Variants in SLC35F5 observed in about 807,000 individuals in gnomAD.
The protein encoded by SLC35F5 is HCV NS5A-transactivated protein 3.
SLC35F5 carries 54 observed loss-of-function variants against 68.6 expected under a neutral mutation model. The observed-to-expected ratio is 0.79, with a 90% CI of 0.63 to 0.99. SLC35F5 has a LOEUF of 0.99. Ranked by LOEUF, SLC35F5 falls within the 50% of genes least tolerant of loss-of-function variation. SLC35F5 has a pLI of 0.00. For missense variants in SLC35F5, 567 were observed against 626.9 expected (o/e 0.90, Z 1.02); for synonymous variants, 211 against 205.2 (o/e 1.03, Z -0.24).
intron 15 of SLC35F5, among the ~76,000 whole-genome samples, chr2:113,716,422 C>T (rs1019066186): frequency 1.3e-5 from 2 of 152,078 alleles, no homozygotes; most frequent in African/African-American, 4.8e-5. Context: ...TCATAAGTAA[C>T]AATTTTTTAG....
At chr2:113,746,156 C>T (rs2104471848) in intron 5 of SLC35F5, 121 bp downstream of exon 5, 2 of 738,680 alleles carry the variant, frequency 2.7e-6, no homozygotes, top group Non-Finnish European at 4.7e-6. Context: ...TAATGATGGG[C>T]ACCCAATATT....
chr2:113,723,081 T>C, intron 13 of SLC35F5, 23 bp downstream of exon 13: 1 of 1,483,864 alleles, frequency 6.7e-7, no homozygotes, highest in South Asian at 1.4e-5. Flanking sequence ...AAAATATCTA[T>C]GAATAATAAA....
In SLC35F5 at chr2:113,743,786, A is replaced by AG. The variant is rs754035355; in HGVS notation, c.488dup (p.Leu164SerfsTer9). 6.2e-6 allele frequency: 10 copies of AG among 1,604,866 alleles called. No individual in the cohort carries two copies. Among genetic ancestry groups the AG allele is most frequent in the Non-Finnish European group, 8.5e-6 (10 of 1,174,962 alleles). ...CATGGAATTTCACAGGCACATACAG[A>AG]GGTTCACTCTGGAATGTAACAGAAA... On this transcript the variant is annotated frameshift_variant, in exon 6 of 16. Transcript: ENST00000245680. LOFTEE classifies it high-confidence loss of function.
intron 13 of SLC35F5, among the ~76,000 whole-genome samples, chr2:113,722,455 T>A (rs1201189376): frequency 6.6e-6 from 1 of 152,154 alleles, no homozygotes; most frequent in East Asian, 1.9e-4. Context: ...TGCCTACATA[T>A]ACTGAACTGT....
intron 4 of SLC35F5, 42 bp downstream of exon 4, chr2:113,750,383 C>T: frequency 1.3e-6 from 2 of 1,525,848 alleles, no homozygotes; most frequent in Non-Finnish European, 1.8e-6. Flanking sequence ...AAAAACGTAT[C>T]TATACCCCCT....
rs1687070041 is a variant in SLC35F5, at chr2:113,713,621, T to C, written c.*1597A>G. ...GAAAATTCCTCAGAAGTCCACATTC[T>C]TTACATGCCTTCACCCTGTTGAGCT... On this transcript the variant is annotated 3_prime_UTR_variant, in exon 16 of 16. Coordinates refer to ENST00000245680, the MANE Select transcript of SLC35F5 (RefSeq NM_025181.5). The C allele has an allele frequency of 6.6e-6, 1 of 152,156 alleles. No individual in the cohort carries two copies. Among genetic ancestry groups the C allele is most frequent in the South Asian group, 2.1e-4 (1 of 4,830 alleles). The allele number at this position is 152,156 out of a possible 1,614,324, so 9.4% of individuals were successfully genotyped here.
At chr2:113,718,888 A>G (rs1433178089) in intron 14 of SLC35F5, among the ~76,000 whole-genome samples, 2 of 55,778 alleles carry the variant, frequency 3.6e-5, no homozygotes, top group Non-Finnish European at 1.0e-4. Context: ...AAAGAAAGAA[A>G]GAAAGAAAGA....
At chr2:113,756,169 A>ACGCACGGCTTCCTCAATTG in intron 1 of SLC35F5, 1 of 1,456,340 alleles carries the variant, frequency 6.9e-7, no homozygotes, top group South Asian at 1.4e-5. Flanking sequence ...GCGAGGGCGC[A>ACGCACGGCTTCCTCAATTG]CGCACGGCTT....
At position 113,709,131 on chromosome 2, in the gene SLC35F5, C is replaced by T. The variant is rs1686890188; in HGVS notation, c.*6087G>A. Among the ~76,000 whole-genome samples the T allele has an allele frequency of 1.3e-5, 2 of 152,206 alleles. No homozygotes were observed. ...TGTTATTACCACTCTTTACAAAGCACTAAGTACACATAGGTGTTTGGCATT... is the reference window on the plus strand; with the variant it reads ...TGTTATTACCACTCTTTACAAAGCATTAAGTACACATAGGTGTTTGGCATT... On this transcript the variant is annotated 3_prime_UTR_variant, in exon 16 of 16. Coordinates refer to ENST00000245680, the MANE Select transcript of SLC35F5 (RefSeq NM_025181.5).
chr2:113,731,621 CAGGTT>C lies in SLC35F5; in HGVS notation c.943_947del (p.Asn315GlyfsTer4). On this transcript the variant is annotated frameshift_variant, in exon 10 of 16. Coordinates refer to ENST00000245680, the MANE Select transcript of SLC35F5 (RefSeq NM_025181.5). LOFTEE classifies it high-confidence loss of function. ...TTCCAGCAGGTTTTTCAGACCCTGC[CAGGTT>C]TACCAGTACAACGCCTCCAATGCTA... The C allele has an allele frequency of 6.2e-7, 1 of 1,613,220 alleles. No individual in the cohort carries two copies. Among genetic ancestry groups the C allele is most frequent in the Middle Eastern group, 1.7e-4 (1 of 6,048 alleles).
intron 8 of SLC35F5, among the ~76,000 whole-genome samples, chr2:113,734,936 G>A (rs1688029257): frequency 6.6e-6 from 1 of 152,082 alleles, no homozygotes; most frequent in South Asian, 2.1e-4. Context: ...AAACTAATAG[G>A]AAACTTAAAT....
At chr2:113,738,774 T>C (rs1445626354) in intron 7 of SLC35F5, among the ~76,000 whole-genome samples, 2 of 152,116 alleles carry the variant, frequency 1.3e-5, no homozygotes, top group Non-Finnish European at 1.5e-5. Flanking sequence ...TAGCCACACA[T>C]GGCTACTGAG....
intron 8 of SLC35F5, among the ~76,000 whole-genome samples, chr2:113,735,376 A>C (rs1688048245): frequency 6.6e-6 from 1 of 152,116 alleles, no homozygotes; most frequent in African/African-American, 2.4e-5. Flanking sequence ...CACAAACCTA[A>C]ATGGTATAGC....
chr2:113,731,455 C>T (rs1009894748), intron 10 of SLC35F5, 129 bp downstream of exon 10: 2 of 603,292 alleles, frequency 3.3e-6, no homozygotes, highest in Non-Finnish European at 5.9e-6. Flanking sequence ...ATGTTATTTC[C>T]AAAGGAAAAG....
In SLC35F5 at chr2:113,714,734, C is replaced by G. The variant is rs1687114720; in HGVS notation, c.*484G>C. 6.6e-6 allele frequency: 1 copy of G among 152,132 alleles called. No homozygotes were observed. Among genetic ancestry groups the G allele is most frequent in the African/African-American group, 2.4e-5 (1 of 41,418 alleles). The allele number at this position is 152,132 out of a possible 1,614,324, so 9.4% of individuals were successfully genotyped here. On this transcript the variant is annotated 3_prime_UTR_variant, in exon 16 of 16. Transcript: ENST00000245680. ...AAACATTTTTTGTGTGGTTAATTTG[C>G]AATATTCTACAAAACCCAAAAATAT...
At chr2:113,728,149 A>G (rs1687741861) in intron 11 of SLC35F5, among the ~76,000 whole-genome samples, 1 of 152,028 alleles carries the variant, frequency 6.6e-6, no homozygotes, top group Non-Finnish European at 1.5e-5. Flanking sequence ...ATGTAACCAA[A>G]CCTGGCTATT....
At chr2:113,719,055 A>T in intron 14 of SLC35F5, 99 bp downstream of exon 14, 1 of 1,104,904 alleles carries the variant, frequency 9.1e-7, no homozygotes, top group Non-Finnish European at 1.3e-6. Context: ...ATCTTTCAAT[A>T]ATTCCTCACA....
chr2:113,742,853 T>A lies in SLC35F5; in HGVS notation c.589A>T (p.Ser197Cys). ...KTPKKSRVRF[S>C]NIMEIRQLPS... Reference sequence around the variant, plus strand: ...AGCTGTCGAATCTCCATGATATTACTGAACCTCACACGAGACTTTTTGGGG... The same window carrying A: ...AGCTGTCGAATCTCCATGATATTACAGAACCTCACACGAGACTTTTTGGGG... The change falls in exon 7 of 16, where the codon AGT (serine) becomes TGT (cysteine). Residue 197 changes from serine to cysteine, a missense_variant. Physicochemically the swap from Ser to Cys is moderately radical, Grantham distance 112. Coordinates refer to ENST00000245680, the MANE Select transcript of SLC35F5 (RefSeq NM_025181.5). The A allele has an allele frequency of 4.3e-6, 7 of 1,613,974 alleles. No individual in the cohort carries two copies. Among genetic ancestry groups the A allele is most frequent in the Non-Finnish European group, 5.9e-6 (7 of 1,179,850 alleles).
At position 113,734,928 on chromosome 2, in the gene SLC35F5, A is replaced by G. The variant is rs1688028934; in HGVS notation, c.833-255T>C. Among the ~76,000 whole-genome samples, 3 of 152,208 alleles carry G rather than the reference A, an allele frequency of 2.0e-5. 1 individual carries two copies. The highest frequency in any genetic ancestry group is 1.9e-4 in the East Asian group (1 of 5,202). On this transcript the variant is annotated intron_variant, in intron 8 of 15. Transcript: ENST00000245680. Reference sequence around the variant, plus strand: ...TCAAGTACAGTCCTATTTATTTTAAACTAATAGGAAACTTAAATCTTATTC... The same window carrying G: ...TCAAGTACAGTCCTATTTATTTTAAGCTAATAGGAAACTTAAATCTTATTC...
Sources: gnomAD v4.1 joint callset for allele counts (sites outside exome capture counted in the v4.1 genomes callset) on GRCh38, gnomAD v4.1.1 for gene constraint, MANE v1.5 for transcripts, NCBI Gene and HGNC (gene_info 2026-07-23, HGNC 2026-07-21) for gene names.